PIGL: variants seen among roughly 807,000 people sequenced by gnomAD.
PIGL encodes the protein phosphatidylinositol glycan anchor biosynthesis class L, also known as N-acetylglucosaminyl-phosphatidylinositol de-N-acetylase.
PIGL carries 22 observed loss-of-function variants against 31.1 expected under a neutral mutation model. The ratio of observed to expected loss-of-function variants is 0.71; its 90% CI spans 0.51 to 1.01. The LOEUF is 1.01. Ranked by LOEUF, PIGL falls within the 50% of genes least tolerant of loss-of-function variation. The probability of loss-of-function intolerance (pLI) is 0.00; values close to 1 mark genes in which losing one functional copy is unlikely to be tolerated. For synonymous variants in PIGL, 131 were observed against 117.4 expected (o/e 1.12, Z -0.75); for missense variants, 302 against 315.9 (o/e 0.96, Z 0.33).
chr17:16,268,067 C>T (rs1289864063), intron 2 of PIGL, among the ~76,000 whole-genome samples: 1 of 152,042 alleles, frequency 6.6e-6, no homozygotes, highest in Non-Finnish European at 1.5e-5. Context: ...AGATGGAGCA[C>T]AAGGGGAAGT....
intron 2 of PIGL, among the ~76,000 whole-genome samples, chr17:16,237,394 C>T (rs1436260122): frequency 2.6e-5 from 4 of 151,650 alleles, no homozygotes; most frequent in African/African-American, 7.3e-5. Context: ...AGACGTGAGC[C>T]ACTGCGCCTG....
At chr17:16,315,939 G>A (rs893207770) in intron 4 of PIGL, among the ~76,000 whole-genome samples, 5 of 151,650 alleles carry the variant, frequency 3.3e-5, no homozygotes, top group African/African-American at 1.2e-4. Flanking sequence ...CTCGTGATCC[G>A]CTTGCCTCGG....
chr17:16,244,460 G>A (rs759479379), intron 2 of PIGL, among the ~76,000 whole-genome samples: 2 of 152,098 alleles, frequency 1.3e-5, no homozygotes, highest in Non-Finnish European at 2.9e-5. Flanking sequence ...TTTTTTCTCA[G>A]GCACTCCATT....
intron 2 of PIGL, among the ~76,000 whole-genome samples, chr17:16,290,302 C>T (rs1321404770): frequency 2.0e-5 from 3 of 151,738 alleles, no homozygotes; most frequent in African/African-American, 7.3e-5. Context: ...AGGCTGGTCT[C>T]GAGCTCTTGA....
chr17:16,315,381 A>G (rs1229723676), intron 4 of PIGL, among the ~76,000 whole-genome samples: 7 of 152,132 alleles, frequency 4.6e-5, no homozygotes, highest in Admixed American at 2.0e-4. Context: ...CCTCACTGCA[A>G]TGCTGCTTTG....
chr17:16,319,493 G>A (rs527378371), intron 6 of PIGL, among the ~76,000 whole-genome samples: 37 of 152,202 alleles, frequency 2.4e-4, no homozygotes, highest in African/African-American at 7.9e-4. Flanking sequence ...CGTGGCTCAC[G>A]CCTGTAATCC....
chr17:16,301,422 G>T (rs949259953), intron 3 of PIGL, among the ~76,000 whole-genome samples: 1 of 148,370 alleles, frequency 6.7e-6, no homozygotes, highest in South Asian at 2.1e-4. Context: ...GTGCCACCAC[G>T]CCAGGCTAAT....
chr17:16,265,578 A>G (rs1191340236), intron 2 of PIGL, among the ~76,000 whole-genome samples: 1 of 152,006 alleles, frequency 6.6e-6, no homozygotes, highest in Non-Finnish European at 1.5e-5. Flanking sequence ...CCTCTCTACT[A>G]AAAATACAAA....
At chr17:16,325,332 CAAAAAAAAAAAAAA>C (rs55958956) in intron 6 of PIGL, among the ~76,000 whole-genome samples, 9 of 69,272 alleles carry the variant, frequency 1.3e-4, no homozygotes, top group Non-Finnish European at 1.9e-4. Context: ...GCAACAGGCT[CAAAAAAAAAAAAAA>C]AAAAAAAAAA....
chr17:16,313,593 T>C lies in PIGL; in HGVS notation c.473T>C (p.Ile158Thr), dbSNP rs761727688. 2.4e-5 allele frequency: 38 copies of C among 1,613,370 alleles called. No individual in the cohort carries two copies. The Admixed American group carries it at 6.3e-4, about 27-fold the overall frequency. Residue 158 changes from isoleucine to threonine, a missense_variant, in exon 4 of 7, where the codon ATT (isoleucine) becomes ACT (threonine). Coordinates refer to ENST00000225609, the MANE Select transcript of PIGL (RefSeq NM_004278.4). ...AGGVSGHSNH[I>T]ALYAAVRALH... ...GGAGTAAGTGGCCACAGCAATCACA[T>C]TGCTCTGTATGCAGCTGTGAGGTAT...
At chr17:16,259,016 C>A (rs920868991) in intron 2 of PIGL, among the ~76,000 whole-genome samples, 1 of 152,170 alleles carries the variant, frequency 6.6e-6, no homozygotes, top group South Asian at 2.1e-4. Flanking sequence ...AAAACAATTT[C>A]TAGTCATTTG....
chr17:16,309,800 C>T (rs1216570510), intron 3 of PIGL, among the ~76,000 whole-genome samples: 2 of 151,246 alleles, frequency 1.3e-5, no homozygotes, highest in Non-Finnish European at 2.9e-5. Flanking sequence ...AACATTAGGC[C>T]GGGCACGGTG....
chr17:16,232,432 CAT>C lies in PIGL; in HGVS notation c.236-1538_236-1537del, dbSNP rs988561871. 3.3e-5 allele frequency among the ~76,000 whole-genome samples: 5 copies of C among 152,300 alleles called. No homozygotes were observed. The East Asian group carries it at 5.8e-4, about 18-fold the overall frequency. On this transcript the variant is annotated intron_variant, in intron 1 of 6. Transcript: ENST00000225609. ...TTAAAAGCTGCTGAAAGATCTCAGA[CAT>C]GTGTTCTGTTAAGTGCCTACAGGTT... is the stretch of plus-strand genomic sequence containing the variant.
intron 1 of PIGL, among the ~76,000 whole-genome samples, chr17:16,228,928 T>G (rs2092666038): frequency 6.6e-6 from 1 of 152,192 alleles, no homozygotes; most frequent in South Asian, 2.1e-4. Context: ...TGGCTTATGC[T>G]AATTAGCATA....
At chr17:16,220,962 T>C (rs1053265768) in intron 1 of PIGL, among the ~76,000 whole-genome samples, 3 of 152,192 alleles carry the variant, frequency 2.0e-5, no homozygotes, top group Admixed American at 2.0e-4. Flanking sequence ...AATGGGGTCT[T>C]GTTCTGTCTA....
chr17:16,279,916 T>G (rs1213510292), intron 2 of PIGL: 1 of 152,248 alleles, frequency 6.6e-6, no homozygotes, highest in African/African-American at 2.4e-5. Context: ...TAGATGACTA[T>G]AGCCAGCATC....
intron 2 of PIGL, among the ~76,000 whole-genome samples, chr17:16,262,783 A>G (rs1248411034): frequency 6.6e-6 from 1 of 152,260 alleles, no homozygotes; most frequent in Non-Finnish European, 1.5e-5. Context: ...TAGCAACACT[A>G]TTCACACTAG....
At chr17:16,249,960 G>T (rs1363687104) in intron 2 of PIGL, among the ~76,000 whole-genome samples, 1 of 152,070 alleles carries the variant, frequency 6.6e-6, no homozygotes, top group Non-Finnish European at 1.5e-5. Context: ...TTATTTTTGT[G>T]TGTGTGATGG....
At chr17:16,294,330 C>A (rs1473559655) in intron 2 of PIGL, among the ~76,000 whole-genome samples, 1 of 152,140 alleles carries the variant, frequency 6.6e-6, no homozygotes, top group Admixed American at 6.5e-5. Context: ...GACACTGGAC[C>A]ACTGTAATCA....
Sources: allele counts gnomAD v4.1 joint callset (sites outside exome capture counted in the v4.1 genomes callset), GRCh38; gene constraint gnomAD v4.1.1; transcripts MANE v1.5; gene names NCBI Gene and HGNC (gene_info 2026-07-23, HGNC 2026-07-21).